The following ZNF726 variants were observed in gnomAD, a reference collection of about 807,000 sequenced individuals.
The protein encoded by ZNF726 is zinc finger protein 726, also known as zinc finger protein 92 pseudogene 3.
ZNF726 carries 15 observed loss-of-function variants against 11.6 expected under a neutral mutation model. The ratio of observed to expected loss-of-function variants is 1.29; its 90% CI spans 0.86 to 1.99. ZNF726 has a LOEUF of 1.99. ZNF726 is among the 30% of genes most tolerant of loss of function. The pLI is 0.00. For missense variants in ZNF726, 890 were observed against 725.6 expected (o/e 1.23, Z -2.60); for synonymous variants, 295 against 243.6 (o/e 1.21, Z -1.96).
In ZNF726 at chr19:23,914,940, G is replaced by A; in HGVS notation, c.-55G>A. 1.2e-6 allele frequency: 2 copies of A among 1,612,452 alleles called. No individual in the cohort carries two copies. Among genetic ancestry groups the A allele is most frequent in the Admixed American group, 1.7e-5 (1 of 59,944 alleles). ...TCGTCCTCACTACTCTGTGTCTTCT[G>A]CTTTTAGGGGCGCAGCCTCTGTGGC... is the stretch of plus-strand genomic sequence containing the variant. On this transcript the variant is annotated 5_prime_UTR_variant, in exon 1 of 4. Coordinates refer to ENST00000594466, the MANE Select transcript of ZNF726 (RefSeq NM_001244038.2).
rs1211656525 is a variant in ZNF726, at chr19:23,933,204, A to T, written c.1088A>T (p.His363Leu). The T allele has an allele frequency of 1.2e-6, 2 of 1,601,984 alleles. No individual in the cohort carries two copies. Among genetic ancestry groups the T allele is most frequent in the Non-Finnish European group, 1.7e-6 (2 of 1,173,498 alleles). ...CACCTTACTACACATAGGATAATTC[A>T]TACTGGAGAGAAACCCTACAAATGT... ...FGHLTTHRIIHTGEKPYKCEE... is the reference protein window; with the variant it reads ...FGHLTTHRIILTGEKPYKCEE... Residue 363 changes from histidine to leucine, a missense_variant, in exon 4 of 4, where the codon CAT (histidine) becomes CTT (leucine). Transcript: ENST00000594466.
intron 3 of ZNF726, chr19:23,923,416 T>C (rs890300638): frequency 1.8e-4 from 73 of 410,354 alleles, no homozygotes; most frequent in Admixed American, 3.9e-4. Flanking sequence ...GTAATTTTTT[T>C]TTTTTTTTTT....
chr19:23,934,434 G>A lies in ZNF726; in HGVS notation c.*467G>A, dbSNP rs1479819045. The A allele has an allele frequency of 9.1e-6, 4 of 440,918 alleles. No homozygotes were observed. Among genetic ancestry groups the A allele is most frequent in the African/African-American group, 6.2e-5 (3 of 48,688 alleles). 27.3% of individuals were successfully genotyped at this position (440,918 alleles called of 1,614,324 possible). On this transcript the variant is annotated 3_prime_UTR_variant, in exon 4 of 4. Transcript: ENST00000594466. ...GCCTTTAAGCAGTCTTCAATCCTGA[G>A]TAACCATAAGATAATTCAAACTGGA...
At chr19:23,925,602 A>AT (rs1457603462) in intron 3 of ZNF726, among the ~76,000 whole-genome samples, 12 of 151,724 alleles carry the variant, frequency 7.9e-5, no homozygotes, top group African/African-American at 2.7e-4. Context: ...ACTTTTATGC[A>AT]TTTCTCTACA....
Position 23,919,979 on chromosome 19 carries a change from TA to T in ZNF726, c.131-4del. ...CAAGATTCATGTTAATTATTTTTAA[TA>T]AAACAGGTATTGCTGTCTCTAAGCC... On this transcript the variant is annotated splice_region_variant and splice_polypyrimidine_tract_variant and intron_variant, in intron 2 of 3. Transcript: ENST00000594466. 6.4e-7 allele frequency: 1 copy of T among 1,556,092 alleles called. No homozygotes were observed. The highest frequency in any genetic ancestry group is 1.4e-5 in the African/African-American group (1 of 73,476).
At chr19:23,935,489 A>G (rs1968215028), downstream of ZNF726, 1 of 466,952 alleles carries the variant, frequency 2.1e-6, no homozygotes, top group African/African-American at 2.0e-5. Flanking sequence ...GAAAGCCTAA[A>G]AAAGTCCTCA....
intron 3 of ZNF726, among the ~76,000 whole-genome samples, chr19:23,923,013 G>A (rs1967890701): frequency 2.0e-5 from 3 of 151,168 alleles, no homozygotes; most frequent in Non-Finnish European, 4.4e-5. Context: ...TTTAGATTCA[G>A]ACATTTAGGA....
intron 3 of ZNF726, among the ~76,000 whole-genome samples, chr19:23,925,703 TTTTTC>T (rs1351059206): frequency 5.7e-4 from 85 of 149,256 alleles, no homozygotes; most frequent in African/African-American, 1.7e-3. Flanking sequence ...GATTGTTCAG[TTTTTC>T]TTTTCTTTTT....
intron 3 of ZNF726, among the ~76,000 whole-genome samples, chr19:23,926,745 T>G (rs984562386): frequency 1.3e-5 from 2 of 152,152 alleles, no homozygotes; most frequent in African/African-American, 4.8e-5. Flanking sequence ...TGTGGGAGAT[T>G]ATTTGGCCTT....
At chr19:23,939,131 C>T (rs975595154), downstream of ZNF726, among the ~76,000 whole-genome samples, 8 of 150,786 alleles carry the variant, frequency 5.3e-5, no homozygotes, top group South Asian at 1.7e-3. Context: ...TCCCACTCTT[C>T]CCCCCCAAGT....
At chr19:23,922,675 G>A (rs1967881760) in intron 3 of ZNF726, among the ~76,000 whole-genome samples, 1 of 152,194 alleles carries the variant, frequency 6.6e-6, no homozygotes, top group South Asian at 2.1e-4. Context: ...TTGGGCTTTA[G>A]CAGAATTTCA....
At chr19:23,921,932 T>C (rs925195737) in intron 3 of ZNF726, among the ~76,000 whole-genome samples, 7 of 152,310 alleles carry the variant, frequency 4.6e-5, no homozygotes, top group Non-Finnish European at 1.0e-4. Flanking sequence ...TAAGAGACAA[T>C]AGTATTGCGT....
chr19:23,930,276 CT>C (rs1489734327), intron 3 of ZNF726, among the ~76,000 whole-genome samples: 1 of 151,872 alleles, frequency 6.6e-6, no homozygotes, highest in East Asian at 1.9e-4. Context: ...CAAGTAATCT[CT>C]ATGTTATTTT....
rs1174383707 is a variant in ZNF726 at position 23,934,334 on chromosome 19, T to C, written c.*367T>C. ...TGAGGAATGTGGCAAAGCCTTTAAA[T>C]GTTCCTCAACTGTTACTGAACATAA... On this transcript the variant is annotated 3_prime_UTR_variant, in exon 4 of 4. Transcript: ENST00000594466. 1 of 570,212 alleles carries C rather than the reference T, an allele frequency of 1.8e-6. No homozygotes were observed. Among genetic ancestry groups the C allele is most frequent in the Non-Finnish European group, 3.5e-6 (1 of 287,778 alleles). 35.3% of individuals were successfully genotyped at this position (570,212 alleles called of 1,614,324 possible).
chr19:23,915,857 C>T (rs568679979), intron 1 of ZNF726, among the ~76,000 whole-genome samples: 4 of 152,286 alleles, frequency 2.6e-5, no homozygotes, highest in African/African-American at 4.8e-5. Context: ...TCTGGGATTA[C>T]AGGCGTGAGC....
intron 3 of ZNF726, among the ~76,000 whole-genome samples, chr19:23,926,327 G>A (rs576981230): frequency 3.3e-5 from 5 of 152,124 alleles, no homozygotes; most frequent in Middle Eastern, 3.4e-3. Flanking sequence ...GGCTGAGGTG[G>A]GCGGATCATA....
intron 1 of ZNF726, 83 bp downstream of exon 1, chr19:23,915,080 C>A: frequency 6.3e-7 from 1 of 1,598,244 alleles, no homozygotes; most frequent in East Asian, 2.2e-5. Context: ...GGGACTCAGG[C>A]CTCCTCGCTG....
intron 1 of ZNF726, among the ~76,000 whole-genome samples, chr19:23,915,541 G>A (rs1414502304): frequency 6.6e-6 from 1 of 152,022 alleles, no homozygotes; most frequent in East Asian, 1.9e-4. Flanking sequence ...GGCTAGGTAC[G>A]GTTATGTAGA....
intron 1 of ZNF726, among the ~76,000 whole-genome samples, chr19:23,918,583 C>T (rs1297520524): frequency 6.6e-6 from 1 of 152,156 alleles, no homozygotes; most frequent in East Asian, 1.9e-4. Context: ...CATCAGCACA[C>T]TATAAAGACT....
Sources: allele counts gnomAD v4.1 joint callset (sites outside exome capture counted in the v4.1 genomes callset), GRCh38; gene constraint gnomAD v4.1.1; transcripts MANE v1.5; gene names NCBI Gene and HGNC (gene_info 2026-07-23, HGNC 2026-07-21).